THSD7A: variants seen among roughly 807,000 people sequenced by gnomAD.
THSD7A encodes thrombospondin type 1 domain containing 7A.
In THSD7A, 96 loss-of-function variants were observed where a neutral mutation model predicts 231.3. The ratio of observed to expected loss-of-function variants is 0.41; its 90% CI spans 0.35 to 0.49. THSD7A has a LOEUF of 0.49. Among genes scored for constraint, THSD7A ranks in the 20% least tolerant of loss-of-function variants. THSD7A has a pLI of 0.05. For missense variants in THSD7A, 2,290 were observed against 2,070.2 expected (o/e 1.11, Z -2.06); for synonymous variants, 940 against 743.3 (o/e 1.26, Z -4.30).
chr7:11,556,847 T>C (rs1037241529), intron 4 of THSD7A, among the ~76,000 whole-genome samples: 1 of 152,094 alleles, frequency 6.6e-6, no homozygotes, highest in Non-Finnish European at 1.5e-5. Context: ...TTTCTTTTTC[T>C]TGTAGTAAGG....
Position 11,481,859 on chromosome 7 carries a change from G to A in THSD7A, c.1946C>T (p.Thr649Ile), listed in dbSNP as rs769709844. The change falls in exon 7 of 28, where the codon ACC becomes ATC. Residue 649 changes from threonine to isoleucine, a missense_variant. By Grantham distance (89) the Thr-to-Ile change is moderately conservative (BLOSUM62 -1). Coordinates refer to ENST00000423059, the MANE Select transcript of THSD7A (RefSeq NM_015204.3). ...CCCTTCTGTCGTTTTCCCTGAGCAG[G>A]TGTGTGAGCAGGAGGACCACGTAGA... ...TWSTWSSCSH[T>I]CSGKTTEGKQ... The A allele has an allele frequency of 1.9e-6, 3 of 1,613,756 alleles. No individual in the cohort carries two copies. The highest frequency in any genetic ancestry group is 2.2e-5 in the South Asian group (2 of 91,070).
At chr7:11,674,752 T>C (rs775056335) in intron 1 of THSD7A, among the ~76,000 whole-genome samples, 1 of 152,104 alleles carries the variant, frequency 6.6e-6, no homozygotes, top group Non-Finnish European at 1.5e-5. Context: ...TATACAAAAA[T>C]CCAGAGTGTT....
At position 11,473,272 on chromosome 7, in the gene THSD7A, C is replaced by A. The variant is rs146580479; in HGVS notation, c.2252+1062G>T. Among the ~76,000 whole-genome samples the A allele has an allele frequency of 3.4e-4, 51 of 152,140 alleles. No individual in the cohort carries two copies. The East Asian group carries it at 9.7e-3, about 29-fold the overall frequency. On this transcript the variant is annotated intron_variant, in intron 8 of 27. Transcript: ENST00000423059. ...GCATCAGAGACATTATTTTCATTTT[C>A]TTGGAACACTAAGGAGTAGCTGAAA...
At chr7:11,664,263 C>G (rs372921537) in intron 1 of THSD7A, among the ~76,000 whole-genome samples, 1 of 151,782 alleles carries the variant, frequency 6.6e-6, no homozygotes. Context: ...TATGTTGTCC[C>G]TGCTTACAGC....
intron 1 of THSD7A, among the ~76,000 whole-genome samples, chr7:11,769,153 A>ATATTTTT: frequency 1.4e-4 from 4 of 27,644 alleles, no homozygotes; most frequent in South Asian, 1.4e-3. Context: ...ATATATATAT[A>ATATTTTT]TTTTTTTTTT....
chr7:11,820,705 C>T (rs1583317718), intron 1 of THSD7A: 1 of 951,270 alleles, frequency 1.1e-6, no homozygotes, highest in South Asian at 1.3e-5. Flanking sequence ...TCTCAAAGCC[C>T]GTGGAGCTCT....
At chr7:11,736,731 A>C (rs1781928580) in intron 1 of THSD7A, among the ~76,000 whole-genome samples, 1 of 152,002 alleles carries the variant, frequency 6.6e-6, no homozygotes. Context: ...CAAATGATGA[A>C]GAAAAACACA....
At chr7:11,475,691 T>C (rs1363653091) in intron 7 of THSD7A, among the ~76,000 whole-genome samples, 1 of 149,926 alleles carries the variant, frequency 6.7e-6, no homozygotes, top group Non-Finnish European at 1.5e-5. Context: ...ATATGGGTAC[T>C]ACCTGGTTAC....
At position 11,376,673 on chromosome 7, in the gene THSD7A, A is replaced by AT. The variant is rs1782286988; in HGVS notation, c.4802-17dup. ...AGTCTCCCATCTAAGAAGAATGGATATTAGTTATTAATTTACATTAGTCTG... is the reference window on the plus strand; with the variant it reads ...AGTCTCCCATCTAAGAAGAATGGATATTTAGTTATTAATTTACATTAGTCTG... On this transcript the variant is annotated splice_polypyrimidine_tract_variant and intron_variant, in intron 26 of 27. Coordinates refer to ENST00000423059, the MANE Select transcript of THSD7A (RefSeq NM_015204.3). 4 of 1,546,388 alleles carry AT rather than the reference A, an allele frequency of 2.6e-6. No homozygotes were observed. The East Asian group carries it at 9.6e-5, about 37-fold the overall frequency.
At chr7:11,762,797 A>G (rs1356433817) in intron 1 of THSD7A, among the ~76,000 whole-genome samples, 2 of 151,690 alleles carry the variant, frequency 1.3e-5, no homozygotes, top group African/African-American at 4.9e-5. Context: ...TCATGAAAAA[A>G]ATTATAGATG....
chr7:11,652,594 T>G (rs138380537), intron 1 of THSD7A, among the ~76,000 whole-genome samples: 62 of 152,162 alleles, frequency 4.1e-4, no homozygotes, highest in Middle Eastern at 3.4e-3. Flanking sequence ...AATATACTTC[T>G]ACATATTTAT....
At chr7:11,437,229 T>C (rs183906513) in intron 13 of THSD7A, among the ~76,000 whole-genome samples, 1 of 152,204 alleles carries the variant, frequency 6.6e-6, no homozygotes. Context: ...CAATGGCAGA[T>C]GCTCTTCCAT....
intron 1 of THSD7A, among the ~76,000 whole-genome samples, chr7:11,675,247 C>A (rs1396479647): frequency 6.6e-6 from 1 of 152,104 alleles, no homozygotes; most frequent in Non-Finnish European, 1.5e-5. Flanking sequence ...AGATACTATG[C>A]TTTTACCATG....
chr7:11,428,795 A>T (rs1317104160), intron 14 of THSD7A, 152 bp downstream of exon 14: 1 of 794,988 alleles, frequency 1.3e-6, no homozygotes, highest in Non-Finnish European at 2.0e-6. Context: ...TGAAATTTTA[A>T]TAACATGTAT....
chr7:11,803,333 C>A (rs1377056573), intron 1 of THSD7A, among the ~76,000 whole-genome samples: 1 of 152,118 alleles, frequency 6.6e-6, no homozygotes, highest in African/African-American at 2.4e-5. Flanking sequence ...AGCAAAGTCA[C>A]ATGTGATGTA....
chr7:11,432,929 T>A (rs1784524823), intron 13 of THSD7A, among the ~76,000 whole-genome samples: 3 of 152,032 alleles, frequency 2.0e-5, no homozygotes, highest in Non-Finnish European at 4.4e-5. Context: ...AAATTTGGCA[T>A]GAAGATTAGG....
chr7:11,560,300 C>A (rs1265750075), intron 4 of THSD7A, among the ~76,000 whole-genome samples: 2 of 152,188 alleles, frequency 1.3e-5, no homozygotes, highest in Non-Finnish European at 2.9e-5. Context: ...TGGCCTGACA[C>A]TTTCAGCTAG....
chr7:11,488,885 C>A (rs1005482002), intron 6 of THSD7A, among the ~76,000 whole-genome samples: 4 of 152,094 alleles, frequency 2.6e-5, no homozygotes, highest in Middle Eastern at 3.2e-3. Context: ...ATTTTGCAAA[C>A]ACTGTTCTTC....
intron 6 of THSD7A, among the ~76,000 whole-genome samples, chr7:11,507,628 TG>T (rs151165720): frequency 0.011 from 1,693 of 151,820 alleles, 15 homozygotes; most frequent in Non-Finnish European, 0.016. Context: ...TTTTAACTGC[TG>T]GAGTTGTTAC....
Sources: gnomAD v4.1 joint callset for allele counts (sites outside exome capture counted in the v4.1 genomes callset) on GRCh38, gnomAD v4.1.1 for gene constraint, MANE v1.5 for transcripts, NCBI Gene and HGNC (gene_info 2026-07-23, HGNC 2026-07-21) for gene names.